The following DCAF1 variants were observed in gnomAD, a reference collection of about 807,000 sequenced individuals.
DCAF1 encodes the protein DDB1- and CUL4-associated factor 1.
A neutral mutation model predicts 128.0 loss-of-function variants in DCAF1; 15 were observed. The ratio of observed to expected loss-of-function variants is 0.12; its 90% CI spans 0.08 to 0.18. The LOEUF (loss-of-function observed/expected upper bound fraction) is 0.18. DCAF1 is among the 10% of genes least tolerant of loss of function. DCAF1 has a pLI of 1.00. For missense variants in DCAF1, 988 were observed against 1,649.5 expected, an observed-to-expected ratio of 0.60 and a Z score of 6.95; for synonymous variants, 610 against 603.0, an observed-to-expected ratio of 1.01 and a Z score of -0.17.
intron 2 of DCAF1, among the ~76,000 whole-genome samples, chr3:51,495,465 G>C (rs1017173355): frequency 4.0e-5 from 6 of 151,518 alleles, no homozygotes; most frequent in African/African-American, 1.5e-4. Flanking sequence ...CTGGGTAACA[G>C]TAAGACCTTG....
In DCAF1 at chr3:51,398,652, G is replaced by A; in HGVS notation, c.*117C>T. The A allele has an allele frequency of 7.4e-7, 1 of 1,348,848 alleles. No homozygotes were observed. The highest frequency in any genetic ancestry group is 1.0e-6 in the Non-Finnish European group (1 of 986,436). 83.6% of individuals were successfully genotyped at this position (1,348,848 alleles called of 1,614,324 possible). On this transcript the variant is annotated 3_prime_UTR_variant, in exon 25 of 25. Transcript: ENST00000684031. ...CTAAGCCATAATCTTCTGAATGCAG[G>A]GCATGCAGCTCCTTAAAAGACAGAC...
At chr3:51,424,183 C>T (rs868972492) in intron 13 of DCAF1, among the ~76,000 whole-genome samples, 4 of 151,850 alleles carry the variant, frequency 2.6e-5, no homozygotes, top group South Asian at 2.1e-4. Flanking sequence ...AGGTGGATCA[C>T]GAGGTCAGGA....
chr3:51,412,588 C>A, intron 22 of DCAF1, 108 bp from the exon 23 acceptor site: 1 of 1,515,076 alleles, frequency 6.6e-7, no homozygotes, highest in Non-Finnish European at 8.8e-7. Context: ...ATTATTAAAG[C>A]TTCTGATACC....
chr3:51,488,137 T>C (rs1707194068), intron 2 of DCAF1, among the ~76,000 whole-genome samples: 1 of 152,144 alleles, frequency 6.6e-6, no homozygotes, highest in South Asian at 2.1e-4. Flanking sequence ...AATGCTGGTA[T>C]TACAGGCATG....
Position 51,416,814 on chromosome 3 carries a change from G to T in DCAF1, c.3576C>A (p.Val1192=). Residue 1192 remains valine, a synonymous_variant, in exon 18 of 25, where the codon GTC becomes GTA. Transcript: ENST00000684031. ...GGGCAATGTCTCCTTTTGTGCCGAT[G>T]ACCCGATCCTGGGAGTGCTTACTGA... ...VEFSKHSQDR[V]IGTKGDIAHI... The T allele has an allele frequency of 6.2e-7, 1 of 1,611,906 alleles. No individual in the cohort carries two copies. The highest frequency in any genetic ancestry group is 8.5e-7 in the Non-Finnish European group (1 of 1,179,000).
intron 2 of DCAF1, among the ~76,000 whole-genome samples, 163 bp downstream of exon 2, chr3:51,496,571 C>T (rs991325890): frequency 6.6e-6 from 1 of 151,710 alleles, no homozygotes; most frequent in Non-Finnish European, 1.5e-5. Flanking sequence ...ATGGGACAGA[C>T]ATTGAGCTAA....
At chr3:51,407,138 G>C (rs560654244) in intron 23 of DCAF1, among the ~76,000 whole-genome samples, 5 of 112,346 alleles carry the variant, frequency 4.5e-5, no homozygotes, top group Non-Finnish European at 6.5e-5. Flanking sequence ...GCCTGGGCGA[G>C]ACAGAGTGAG....
intron 9 of DCAF1, chr3:51,437,470 T>G (rs1700956957): frequency 2.1e-6 from 1 of 468,548 alleles, no homozygotes; most frequent in Non-Finnish European, 4.3e-6. Context: ...CATACAGTTC[T>G]CAACAGGTAA....
intron 6 of DCAF1, among the ~76,000 whole-genome samples, chr3:51,461,736 A>C (rs1703601772): frequency 6.6e-6 from 1 of 152,238 alleles, no homozygotes; most frequent in Non-Finnish European, 1.5e-5. Context: ...GCAGCCATAA[A>C]AAATGATGAG....
At chr3:51,483,924 AG>A in intron 2 of DCAF1, 88 bp from the exon 3 acceptor site, 1 of 901,666 alleles carries the variant, frequency 1.1e-6, no homozygotes, top group Non-Finnish European at 1.8e-6. Context: ...AAGGACGAGA[AG>A]GCAAGAGAAA....
chr3:51,423,164 T>C (rs2107414743), intron 13 of DCAF1, among the ~76,000 whole-genome samples: 1 of 152,256 alleles, frequency 6.6e-6, no homozygotes, highest in African/African-American at 2.4e-5. Flanking sequence ...AACCTTGTCC[T>C]AGAAATTTCA....
intron 17 of DCAF1, among the ~76,000 whole-genome samples, chr3:51,417,362 T>C (rs1698970380): frequency 6.6e-6 from 1 of 152,026 alleles, no homozygotes; most frequent in South Asian, 2.1e-4. Context: ...GAGGTTGCAG[T>C]AGGTCATGTT....
intron 6 of DCAF1, among the ~76,000 whole-genome samples, chr3:51,446,737 A>G (rs910419403): frequency 2.0e-5 from 3 of 152,082 alleles, no homozygotes; most frequent in Non-Finnish European, 4.4e-5. Flanking sequence ...AGGAGGGTGG[A>G]TCACCTTGAG....
At chr3:51,442,256 G>A (rs1701427493) in intron 7 of DCAF1, among the ~76,000 whole-genome samples, 1 of 152,086 alleles carries the variant, frequency 6.6e-6, no homozygotes, top group Admixed American at 6.6e-5. Context: ...AAACATGAAA[G>A]TTTCTCAAAC....
chr3:51,454,814 C>T (rs1221697644), intron 6 of DCAF1, among the ~76,000 whole-genome samples: 4 of 152,058 alleles, frequency 2.6e-5, no homozygotes, highest in African/African-American at 7.2e-5. Flanking sequence ...GCTGGGACTA[C>T]AGGCGCCCAC....
At chr3:51,446,640 T>A (rs977445783) in intron 6 of DCAF1, among the ~76,000 whole-genome samples, 30 of 150,526 alleles carry the variant, frequency 2.0e-4, no homozygotes, top group African/African-American at 6.6e-4. Flanking sequence ...CTAAAAAGAA[T>A]AAAAATAAAA....
At chr3:51,494,756 CTA>C (rs1708056775) in intron 2 of DCAF1, among the ~76,000 whole-genome samples, 1 of 152,076 alleles carries the variant, frequency 6.6e-6, no homozygotes, top group Admixed American at 6.6e-5. Flanking sequence ...CAGGGTCTCA[CTA>C]TGTTACCCAG....
At chr3:51,474,147 C>T (rs558338853) in intron 3 of DCAF1, among the ~76,000 whole-genome samples, 3 of 152,018 alleles carry the variant, frequency 2.0e-5, no homozygotes, top group Admixed American at 6.5e-5. Flanking sequence ...TGGCCGGCGC[C>T]GTGGCTCATG....
chr3:51,440,424 C>CAT (rs1701259166), intron 9 of DCAF1, among the ~76,000 whole-genome samples: 1 of 152,122 alleles, frequency 6.6e-6, no homozygotes, highest in Non-Finnish European at 1.5e-5. Context: ...GCCTGGGCAA[C>CAT]ATAGCAAGAC....
Sources: gnomAD v4.1 joint callset for allele counts (sites outside exome capture counted in the v4.1 genomes callset) on GRCh38, gnomAD v4.1.1 for gene constraint, MANE v1.5 for transcripts, NCBI Gene and HGNC (gene_info 2026-07-23, HGNC 2026-07-21) for gene names.